FAM13C: variants seen among roughly 807,000 people sequenced by gnomAD.
FAM13C encodes the protein family with sequence similarity 13 member C.
A neutral mutation model predicts 73.2 loss-of-function variants in FAM13C; 37 were observed. The ratio of observed to expected loss-of-function variants is 0.51; its 90% CI spans 0.39 to 0.67. The LOEUF is 0.67. FAM13C is among the 30% of genes least tolerant of loss of function. The pLI, the probability that FAM13C is intolerant of heterozygous loss-of-function variation, is 0.00. For synonymous variants in FAM13C, 246 were observed against 260.9 expected (o/e 0.94, Z 0.55); for missense variants, 589 against 715.6 (o/e 0.82, Z 2.02).
Position 59,264,091 on chromosome 10 carries a change from G to A in FAM13C, c.1018C>T (p.Leu340Phe). 6.2e-7 allele frequency: 1 copy of A among 1,613,006 alleles called. No homozygotes were observed. Among genetic ancestry groups the A allele is most frequent in the Non-Finnish European group, 8.5e-7 (1 of 1,179,324 alleles). ...ATCTTTGGCTGGGATTTACCTTTGA[G>A]CTGTTTACGACCTTTAGCCAAATCA... ...MNDLAKGRKQ[L>F]KELKLKLSEE... Residue 340 changes from leucine (L) to phenylalanine (F), a missense_variant, in exon 9 of 14, where the codon CTC becomes TTC. By Grantham distance (22) the Leu-to-Phe change is conservative. Transcript: ENST00000618804.
intron 3 of FAM13C, among the ~76,000 whole-genome samples, chr10:59,351,090 C>T (rs1253390970): frequency 6.6e-6 from 1 of 152,126 alleles, no homozygotes; most frequent in Non-Finnish European, 1.5e-5. Context: ...ACAACCCGAG[C>T]ACTTTGGGAG....
chr10:59,293,789 T>C (rs1201167999), intron 5 of FAM13C, among the ~76,000 whole-genome samples: 1 of 152,216 alleles, frequency 6.6e-6, no homozygotes, highest in East Asian at 1.9e-4. Context: ...ACTCTTGTAC[T>C]GCAGCTGTTT....
At chr10:59,317,113 G>A (rs184957337) in intron 4 of FAM13C, among the ~76,000 whole-genome samples, 1 of 135,254 alleles carries the variant, frequency 7.4e-6, no homozygotes, top group African/African-American at 2.8e-5. Context: ...GTATGTGTAT[G>A]TCACTATACA....
rs768921251 is a variant in FAM13C, at chr10:59,262,595, G to C, written c.1075C>G (p.Pro359Ala). The C allele has an allele frequency of 1.2e-6, 2 of 1,613,790 alleles. No homozygotes were observed. The highest frequency in any genetic ancestry group is 4.5e-5 in the East Asian group (2 of 44,878). Reference protein sequence around the residue: ...EEQGSAPKGPPRNLLCEQPTV... With the variant: ...EEQGSAPKGPARNLLCEQPTV... ...GGTTGCTCACACAACAGGTTTCTAG[G>C]TGGACCTTTGGGAGCACTCCCTTGT... is the stretch of plus-strand genomic sequence containing the variant. Residue 359 changes from proline to alanine, a missense_variant, in exon 10 of 14, where the codon CCT (proline) becomes GCT (alanine). Transcript: ENST00000618804.
At chr10:59,270,959 G>A (rs1328230529) in intron 6 of FAM13C, among the ~76,000 whole-genome samples, 6 of 152,110 alleles carry the variant, frequency 3.9e-5, no homozygotes, top group Admixed American at 3.3e-4. Flanking sequence ...CCCACCTCAC[G>A]GTCCTCCAGA....
intron 3 of FAM13C, among the ~76,000 whole-genome samples, chr10:59,343,551 A>G (rs1564613573): frequency 6.6e-6 from 1 of 152,298 alleles, no homozygotes; most frequent in East Asian, 1.9e-4. Context: ...CCATTGAGTT[A>G]TGGGGTTATG....
At position 59,358,643 on chromosome 10, in the gene FAM13C, A is replaced by T. The variant is rs560296608; in HGVS notation, c.63-2700T>A. 5.1e-4 allele frequency among the ~76,000 whole-genome samples: 78 copies of T among 152,354 alleles called. 1 individual carries two copies. Among genetic ancestry groups the T allele is most frequent in the African/African-American group, 1.9e-3 (78 of 41,588 alleles). On this transcript the variant is annotated intron_variant, in intron 1 of 13. Coordinates refer to ENST00000618804, the MANE Select transcript of FAM13C (RefSeq NM_198215.4). ...GCTTAAGCAGAGCTTTGGAGCTTCA[A>T]TTCTGGAGCTCAACAATACCTATTG...
intron 10 of FAM13C, among the ~76,000 whole-genome samples, chr10:59,258,429 G>C (rs1842152231): frequency 6.6e-6 from 1 of 152,194 alleles, no homozygotes; most frequent in Non-Finnish European, 1.5e-5. Context: ...GCTGCAGTGA[G>C]CTATGATTGT....
At chr10:59,298,617 C>T (rs998455784) in intron 5 of FAM13C, among the ~76,000 whole-genome samples, 11 of 152,150 alleles carry the variant, frequency 7.2e-5, no homozygotes, top group African/African-American at 2.7e-4. Context: ...CAATTCTTCA[C>T]GTACAATAAT....
chr10:59,256,753 A>G (rs1437096002), intron 10 of FAM13C, among the ~76,000 whole-genome samples: 1 of 152,184 alleles, frequency 6.6e-6, no homozygotes, highest in Non-Finnish European at 1.5e-5. Context: ...AGTGATCTTC[A>G]TAAAGAAAAC....
At chr10:59,249,601 T>G (rs1019469262) in intron 13 of FAM13C, among the ~76,000 whole-genome samples, 1 of 152,116 alleles carries the variant, frequency 6.6e-6, no homozygotes, top group Non-Finnish European at 1.5e-5. Flanking sequence ...ACCAAGAACA[T>G]TTATAGTGCC....
chr10:59,249,936 C>G (rs1380555), intron 13 of FAM13C, among the ~76,000 whole-genome samples: 113,558 of 152,084 alleles, frequency 0.75, 44,584 homozygotes, highest in East Asian at 0.9. Context: ...ATCCAGTAGG[C>G]AGGACTAGTA....
At chr10:59,252,047 C>T (rs1841433083) in intron 12 of FAM13C, among the ~76,000 whole-genome samples, 2 of 152,094 alleles carry the variant, frequency 1.3e-5, no homozygotes, top group African/African-American at 4.8e-5. Flanking sequence ...AGAGGAGCAG[C>T]TTTTAAAGAA....
chr10:59,355,908 T>C lies in FAM13C; in HGVS notation c.98A>G (p.Gln33Arg), dbSNP rs368935035. The change falls in exon 2 of 14, where the codon CAG becomes CGG. Residue 33 changes from glutamine to arginine, a missense_variant. Physicochemically the swap from Gln to Arg is conservative, Grantham distance 43. Coordinates refer to ENST00000618804, the MANE Select transcript of FAM13C (RefSeq NM_198215.4). Reference protein sequence around the residue: ...DEDPVSLHEDQTDCSSLRDEN... With the variant: ...DEDPVSLHEDRTDCSSLRDEN... ...TTACCTGAGACTGGAGCAATCAGTC[T>C]GGTCTTCATGTAGAGAGACTGGATC... 2 of 1,613,932 alleles carry C rather than the reference T, an allele frequency of 1.2e-6. No individual in the cohort carries two copies. The highest frequency in any genetic ancestry group is 2.7e-5 in the African/African-American group (2 of 74,928).
chr10:59,347,238 C>T (rs1382047025), intron 3 of FAM13C, among the ~76,000 whole-genome samples: 1 of 152,160 alleles, frequency 6.6e-6, no homozygotes, highest in Non-Finnish European at 1.5e-5. Flanking sequence ...AATCTCTCCC[C>T]TTTCCATTTT....
intron 10 of FAM13C, among the ~76,000 whole-genome samples, chr10:59,259,441 A>G (rs892539082): frequency 2.0e-5 from 3 of 152,170 alleles, no homozygotes; most frequent in African/African-American, 7.2e-5. Flanking sequence ...TATTGAGCTC[A>G]TTGAGGAGTT....
At chr10:59,274,432 A>G (rs1317851724) in intron 6 of FAM13C, among the ~76,000 whole-genome samples, 3 of 152,110 alleles carry the variant, frequency 2.0e-5, no homozygotes, top group Non-Finnish European at 4.4e-5. Context: ...GCAGATGAAA[A>G]GGGACTCTGC....
rs535610164 is a variant in FAM13C, at chr10:59,304,055, C to T, written c.444-1191G>A. 2.4e-3 allele frequency among the ~76,000 whole-genome samples: 367 copies of T among 151,972 alleles called. 1 individual carries two copies. Among genetic ancestry groups the T allele is most frequent in the African/African-American group, 7.9e-3 (328 of 41,430 alleles). On this transcript the variant is annotated intron_variant, in intron 4 of 13. Transcript: ENST00000618804. Reference sequence around the variant, plus strand: ...CCCAGCTACTTGGGAGGCTGAGGCACGAGAATTGCTTGAACCTGGGAGGCG... The same window carrying T: ...CCCAGCTACTTGGGAGGCTGAGGCATGAGAATTGCTTGAACCTGGGAGGCG...
chr10:59,303,808 G>A (rs1847887581), intron 4 of FAM13C, among the ~76,000 whole-genome samples: 1 of 152,160 alleles, frequency 6.6e-6, no homozygotes, highest in African/African-American at 2.4e-5. Context: ...GATCAGTGAT[G>A]TGAGCTTTTT....
Sources: gnomAD v4.1 joint callset for allele counts (sites outside exome capture counted in the v4.1 genomes callset) on GRCh38, gnomAD v4.1.1 for gene constraint, MANE v1.5 for transcripts, NCBI Gene and HGNC (gene_info 2026-07-23, HGNC 2026-07-21) for gene names.